The following ARL9 variants were observed in gnomAD, a reference collection of about 807,000 sequenced individuals.
ARL9 encodes ARF like GTPase 9, also known as ADP-ribosylation factor-like protein 9.
In ARL9, 14 loss-of-function variants were observed where a neutral mutation model predicts 27.0. That is an observed-to-expected ratio of 0.52 (90% confidence interval 0.34 to 0.81). The LOEUF (loss-of-function observed/expected upper bound fraction) is 0.81. ARL9 is among the 30% of genes least tolerant of loss of function. ARL9 has a pLI of 0.01. For missense variants in ARL9, 294 were observed against 290.0 expected, an observed-to-expected ratio of 1.01 and a Z score of -0.10; for synonymous variants, 106 against 108.7, an observed-to-expected ratio of 0.98 and a Z score of 0.15.
intron 3 of ARL9, among the ~76,000 whole-genome samples, chr4:56,520,926 G>T (rs1197667628): frequency 6.6e-6 from 1 of 152,018 alleles, no homozygotes; most frequent in Non-Finnish European, 1.5e-5. Flanking sequence ...TAAAAGAGAG[G>T]TTGGGCCGGG....
intron 1 of ARL9, among the ~76,000 whole-genome samples, chr4:56,508,495 G>A (rs949509602): frequency 1.1e-4 from 16 of 151,990 alleles, no homozygotes; most frequent in Non-Finnish European, 1.9e-4. Context: ...TGATTGTCCT[G>A]CCTTACTTAG....
intron 3 of ARL9, among the ~76,000 whole-genome samples, chr4:56,521,151 C>CA (rs922008527): frequency 1.3e-5 from 2 of 150,384 alleles, no homozygotes; most frequent in African/African-American, 4.9e-5. Context: ...GTGGAGGTTG[C>CA]AGTGAGCCGA....
rs1356414087 is a variant in ARL9, at chr4:56,511,319, T to C, written c.414T>C (p.Thr138=). The change falls in exon 2 of 4, where the codon ACT becomes ACC. Residue 138 remains threonine, a synonymous_variant. Transcript: ENST00000640821. ...TQGFHAVCIN[T]EDSQMEFLEI... ...GTTTCCATGCAGTTTGCATCAACAC[T>C]GAAGACAGCCAGATGGAGTTCCTGG... 6.2e-7 allele frequency: 1 copy of C among 1,613,530 alleles called. No individual in the cohort carries two copies. The highest frequency in any genetic ancestry group is 8.5e-7 in the Non-Finnish European group (1 of 1,179,644).
intron 1 of ARL9, 86 bp from the exon 2 acceptor site, chr4:56,511,099 C>T: frequency 7.7e-7 from 1 of 1,305,052 alleles, no homozygotes; most frequent in South Asian, 1.6e-5. Flanking sequence ...GGTTACAGTT[C>T]CAAGAATATT....
intron 3 of ARL9, among the ~76,000 whole-genome samples, chr4:56,522,909 T>C (rs983731110): frequency 6.6e-6 from 1 of 152,188 alleles, no homozygotes; most frequent in Admixed American, 6.5e-5. Context: ...CCAAAATTGG[T>C]TGAGGATTTT....
At chr4:56,515,236 T>G (rs1049143774) in intron 2 of ARL9, among the ~76,000 whole-genome samples, 3 of 145,166 alleles carry the variant, frequency 2.1e-5, no homozygotes, top group African/African-American at 7.7e-5. Context: ...CCAGTCTGGA[T>G]GACAAGAGCA....
chr4:56,507,819 C>CA (rs1305534794), intron 1 of ARL9, among the ~76,000 whole-genome samples: 5 of 151,218 alleles, frequency 3.3e-5, no homozygotes, highest in East Asian at 2.0e-4. Flanking sequence ...ACTAAAAATA[C>CA]AAAAAAAGTA....
At chr4:56,509,116 C>CA (rs2110142685) in intron 1 of ARL9, among the ~76,000 whole-genome samples, 1 of 152,274 alleles carries the variant, frequency 6.6e-6, no homozygotes, top group South Asian at 2.1e-4. Flanking sequence ...ATCTTCACAC[C>CA]AGCCTGCCCT....
Position 56,523,598 on chromosome 4 carries a change from T to G in ARL9, c.619-99T>G, listed in dbSNP as rs987194085. 19 of 918,454 alleles carry G rather than the reference T, an allele frequency of 2.1e-5. No homozygotes were observed. The African/African-American group carries it at 3.0e-4, about 15-fold the overall frequency. The allele number at this position is 918,454 out of a possible 1,614,324, so 56.9% of individuals were successfully genotyped here. On this transcript the variant is annotated intron_variant, in intron 3 of 3. Transcript: ENST00000640821. ...CAATAGCCTCTATATGAAAATGGTGTGGTCACTGAGAGCAATAAATAAGAG... is the reference window on the plus strand; with the variant it reads ...CAATAGCCTCTATATGAAAATGGTGGGGTCACTGAGAGCAATAAATAAGAG...
At chr4:56,523,330 G>A (rs545579702) in intron 3 of ARL9, among the ~76,000 whole-genome samples, 6 of 152,214 alleles carry the variant, frequency 3.9e-5, no homozygotes, top group African/African-American at 1.2e-4. Flanking sequence ...CGGAGGTTGC[G>A]GTGAGTCAAG....
At chr4:56,517,147 C>T (rs1280446661) in intron 2 of ARL9, among the ~76,000 whole-genome samples, 3 of 152,098 alleles carry the variant, frequency 2.0e-5, no homozygotes, top group African/African-American at 7.2e-5. Context: ...TTTATTGTAG[C>T]AAGAAATGAG....
intron 1 of ARL9, among the ~76,000 whole-genome samples, chr4:56,510,662 G>T (rs934779421): frequency 1.3e-5 from 2 of 152,142 alleles, no homozygotes; most frequent in Non-Finnish European, 1.5e-5. Flanking sequence ...AGGAGGTGGG[G>T]GATAGAGGAC....
chr4:56,514,339 A>G (rs965067971), intron 2 of ARL9, among the ~76,000 whole-genome samples: 9 of 152,248 alleles, frequency 5.9e-5, no homozygotes, highest in Non-Finnish European at 1.2e-4. Context: ...AGGGGGAGAT[A>G]ATAAAGACAC....
chr4:56,523,718 A>G lies in ARL9; in HGVS notation c.640A>G (p.Ile214Val). The G allele has an allele frequency of 6.2e-7, 1 of 1,613,802 alleles. No individual in the cohort carries two copies. Among genetic ancestry groups the G allele is most frequent in the Non-Finnish European group, 8.5e-7 (1 of 1,179,768 alleles). ...NKQDLEAAYH[I>V]TDIHEALALS... ...GAAGGATCTTGAAGCAGCCTATCAC[A>G]TTACAGATATCCATGAAGCTTTGGC... The change falls in exon 4 of 4, where the codon ATT becomes GTT. Residue 214 changes from isoleucine to valine, a missense_variant. Transcript: ENST00000640821.
Position 56,506,122 on chromosome 4 carries a change from G to C in ARL9, c.260G>C (p.Arg87Thr). The change falls in exon 1 of 4, where the codon AGG (arginine) becomes ACG (threonine). Residue 87 changes from arginine to threonine, a missense_variant. Physicochemically the swap from Arg to Thr is moderately conservative, Grantham distance 71. Transcript: ENST00000640821. ...KGENKDSTLT[R>T]TPLEPLEKNK... ...GAGAACAAGGACAGCACCTTGACAA[G>C]GACCCCGCTCGAGCCGCTGGTAAGA... The C allele has an allele frequency of 3.2e-6, 4 of 1,233,584 alleles. No individual in the cohort carries two copies. The highest frequency in any genetic ancestry group is 4.0e-6 in the Non-Finnish European group (4 of 989,142). The allele number at this position is 1,233,584 out of a possible 1,614,324, so 76.4% of individuals were successfully genotyped here.
rs1721581031 is a variant in ARL9, at chr4:56,509,725, T to TTTTG, written c.280-1460_280-1459insTTTG. On this transcript the variant is annotated intron_variant, in intron 1 of 3. Coordinates refer to ENST00000640821, the MANE Select transcript of ARL9 (RefSeq NM_001363794.2). ...AATTTTTTTTTTTTTTTTTTTTTTT[T>TTTTG]AAGATGGAGCCTTGCTCTGTCGCCC... Among the ~76,000 whole-genome samples the TTTTG allele has an allele frequency of 2.3e-5, 3 of 130,936 alleles. 1 individual carries two copies. Among genetic ancestry groups the TTTTG allele is most frequent in the African/African-American group, 8.3e-5 (3 of 35,970 alleles). The allele number at this position is 130,936 out of a possible 152,430, so 85.9% of individuals were successfully genotyped here.
chr4:56,507,532 C>T (rs920899780), intron 1 of ARL9, among the ~76,000 whole-genome samples: 5 of 151,176 alleles, frequency 3.3e-5, no homozygotes, highest in African/African-American at 1.2e-4. Context: ...CCAGGCTGGT[C>T]TTCAACTCCT....
At chr4:56,521,329 A>G (rs112597736) in intron 3 of ARL9, among the ~76,000 whole-genome samples, 308 of 152,298 alleles carry the variant, frequency 2.0e-3, no homozygotes, top group African/African-American at 7.2e-3. Flanking sequence ...AGTGAGCTGT[A>G]TAGTATTCCA....
intron 2 of ARL9, 132 bp from the exon 3 acceptor site, chr4:56,518,546 C>A: frequency 1.3e-6 from 1 of 786,240 alleles, no homozygotes; most frequent in Non-Finnish European, 2.1e-6. Context: ...ACTGGGTACA[C>A]TCTAACACGG....
Sources: gnomAD v4.1 joint callset for allele counts (sites outside exome capture counted in the v4.1 genomes callset) on GRCh38, gnomAD v4.1.1 for gene constraint, MANE v1.5 for transcripts, NCBI Gene and HGNC (gene_info 2026-07-23, HGNC 2026-07-21) for gene names.